DTWD2: variants seen among roughly 807,000 people sequenced by gnomAD.
The protein encoded by DTWD2 is tRNA-uridine aminocarboxypropyltransferase 2.
DTWD2 carries 39 observed loss-of-function variants against 31.8 expected under a neutral mutation model. That is an observed-to-expected ratio of 1.22 (90% CI 0.95 to 1.60). DTWD2 has a LOEUF of 1.60. DTWD2 is among the 40% of genes most tolerant of loss of function. The pLI is 0.00. For missense variants in DTWD2, 515 were observed against 381.5 expected, an observed-to-expected ratio of 1.35 and a Z score of -2.92; for synonymous variants, 180 against 142.8, an observed-to-expected ratio of 1.26 and a Z score of -1.86.
chr5:118,954,918 T>A (rs1355757359), intron 1 of DTWD2, among the ~76,000 whole-genome samples: 1 of 152,284 alleles, frequency 6.6e-6, no homozygotes, highest in South Asian at 2.1e-4. Context: ...TTTTTATATA[T>A]CAAAGTTTAA....
Position 118,988,522 on chromosome 5 carries a change from C to G in DTWD2, c.-11G>C. On this transcript the variant is annotated 5_prime_UTR_variant, in exon 1 of 6. Transcript: ENST00000510708. Reference sequence around the variant, plus strand: ...TTTCTGCGACTCCATGGCGGACACTCCGGTCAGGCCGTGGCATTGAAGCCC... The same window carrying G: ...TTTCTGCGACTCCATGGCGGACACTGCGGTCAGGCCGTGGCATTGAAGCCC... 1 of 1,530,352 alleles carries G rather than the reference C, an allele frequency of 6.5e-7. No individual in the cohort carries two copies. Among genetic ancestry groups the G allele is most frequent in the Non-Finnish European group, 8.8e-7 (1 of 1,141,964 alleles). The allele number at this position is 1,530,352 out of a possible 1,614,324, so 94.8% of individuals were successfully genotyped here.
chr5:118,865,588 T>C (rs1452175866), intron 4 of DTWD2, among the ~76,000 whole-genome samples: 1 of 152,196 alleles, frequency 6.6e-6, no homozygotes, highest in Non-Finnish European at 1.5e-5. Context: ...TTAAAAACTG[T>C]CTAAATACAC....
chr5:118,921,978 C>G (rs2149575746), intron 4 of DTWD2, among the ~76,000 whole-genome samples: 1 of 152,330 alleles, frequency 6.6e-6, no homozygotes, highest in East Asian at 1.9e-4. Context: ...CTCTGCTTAT[C>G]AAGCGAGAAA....
chr5:118,922,819 C>G (rs890692273), intron 4 of DTWD2, among the ~76,000 whole-genome samples: 3 of 152,120 alleles, frequency 2.0e-5, no homozygotes, highest in Admixed American at 2.0e-4. Context: ...TTCATGCAGT[C>G]CTCTTGTCAA....
At chr5:118,969,201 G>A (rs1024592442) in intron 1 of DTWD2, among the ~76,000 whole-genome samples, 5 of 152,142 alleles carry the variant, frequency 3.3e-5, no homozygotes, top group African/African-American at 1.2e-4. Context: ...GAGGGGCGGG[G>A]GGGAAGCGGT....
chr5:118,949,892 A>C (rs1004241141), intron 1 of DTWD2, among the ~76,000 whole-genome samples: 2 of 152,162 alleles, frequency 1.3e-5, no homozygotes, highest in African/African-American at 4.8e-5. Flanking sequence ...ACGTGGGGAT[A>C]ACTAAAAAGG....
chr5:118,869,869 G>C (rs1012231226), intron 4 of DTWD2, among the ~76,000 whole-genome samples: 1 of 152,136 alleles, frequency 6.6e-6, no homozygotes, highest in Non-Finnish European at 1.5e-5. Context: ...GGAGGTGGGG[G>C]CCTTGTAAGA....
intron 1 of DTWD2, among the ~76,000 whole-genome samples, chr5:118,976,665 C>CTGAAACTT (rs1755168505): frequency 1.3e-5 from 2 of 152,114 alleles, no homozygotes; most frequent in African/African-American, 4.8e-5. Flanking sequence ...CTGAATAGAC[C>CTGAAACTT]GATAACAAGT....
At position 118,840,502 on chromosome 5, in the gene DTWD2, C is replaced by T. The variant is rs1000002862; in HGVS notation, c.*415G>A. The T allele has an allele frequency of 6.6e-6, 1 of 152,310 alleles. No homozygotes were observed. The highest frequency in any genetic ancestry group is 6.5e-5 in the Admixed American group (1 of 15,268). The allele number at this position is 152,310 out of a possible 1,614,324, so 9.4% of individuals were successfully genotyped here. A position where few individuals can be genotyped will look rare whatever the true frequency, so the allele number is the denominator to read the frequency against. ...TGCTACTTATTTCAAACTGTAAAGTCAGGACTGCAAACTGATGTAGGAATC... is the reference window on the plus strand; with the variant it reads ...TGCTACTTATTTCAAACTGTAAAGTTAGGACTGCAAACTGATGTAGGAATC... On this transcript the variant is annotated 3_prime_UTR_variant, in exon 6 of 6. Transcript: ENST00000510708.
At chr5:118,883,755 G>A (rs1192929037) in intron 4 of DTWD2, among the ~76,000 whole-genome samples, 1 of 152,082 alleles carries the variant, frequency 6.6e-6, no homozygotes, top group Non-Finnish European at 1.5e-5. Context: ...CCTCCCACCA[G>A]GTCCCTCCCT....
At chr5:118,895,877 A>G (rs756649978) in intron 4 of DTWD2, among the ~76,000 whole-genome samples, 1 of 152,208 alleles carries the variant, frequency 6.6e-6, no homozygotes, top group Non-Finnish European at 1.5e-5. Flanking sequence ...AGTTCCTCAT[A>G]TAACATGGAA....
intron 2 of DTWD2, among the ~76,000 whole-genome samples, chr5:118,941,117 T>C (rs995462286): frequency 1.3e-5 from 2 of 152,130 alleles, no homozygotes; most frequent in Non-Finnish European, 2.9e-5. Context: ...CCTATCTAAA[T>C]GGTTAATAAC....
chr5:118,884,984 A>T (rs1382100258), intron 4 of DTWD2, among the ~76,000 whole-genome samples: 1 of 123,710 alleles, frequency 8.1e-6, no homozygotes, highest in Admixed American at 9.1e-5. Context: ...GGACAGAGTG[A>T]GACTCCATCT....
intron 1 of DTWD2, among the ~76,000 whole-genome samples, chr5:118,975,361 T>C (rs1240953647): frequency 6.6e-6 from 1 of 152,178 alleles, no homozygotes; most frequent in Non-Finnish European, 1.5e-5. Context: ...TCATGCTGTG[T>C]ATTTCAGCTC....
chr5:118,982,686 C>CTTTTTTTTT (rs56102830), intron 1 of DTWD2, among the ~76,000 whole-genome samples: 1 of 121,122 alleles, frequency 8.3e-6, no homozygotes, highest in Non-Finnish European at 1.7e-5. Flanking sequence ...AGTTTGTTTT[C>CTTTTTTTTT]TTTTTTTTTT....
chr5:118,859,089 T>C (rs116396941), intron 4 of DTWD2, among the ~76,000 whole-genome samples: 2,703 of 152,198 alleles, frequency 0.018, 79 homozygotes, highest in African/African-American at 0.057. Context: ...CCCACTCACC[T>C]AATGGTTGAG....
intron 4 of DTWD2, among the ~76,000 whole-genome samples, chr5:118,919,854 G>A (rs537561151): frequency 6.6e-6 from 1 of 152,122 alleles, no homozygotes; most frequent in East Asian, 1.9e-4. Flanking sequence ...CCTACAAACA[G>A]TGGCGTTTCA....
intron 4 of DTWD2, among the ~76,000 whole-genome samples, chr5:118,876,609 A>G (rs748848417): frequency 6.6e-6 from 1 of 152,222 alleles, no homozygotes; most frequent in Non-Finnish European, 1.5e-5. Flanking sequence ...GAACACCTCT[A>G]TGCACATAAA....
At chr5:118,924,633 T>C (rs1231175352) in intron 4 of DTWD2, among the ~76,000 whole-genome samples, 1 of 152,244 alleles carries the variant, frequency 6.6e-6, no homozygotes, top group East Asian at 1.9e-4. Context: ...TTTTCAAGAA[T>C]TTAAAAATAT....
Sources: allele counts gnomAD v4.1 joint callset (sites outside exome capture counted in the v4.1 genomes callset), GRCh38; gene constraint gnomAD v4.1.1; transcripts MANE v1.5; gene names NCBI Gene and HGNC (gene_info 2026-07-23, HGNC 2026-07-21).